RORA: variants seen among roughly 807,000 people sequenced by gnomAD.
The protein encoded by RORA is RAR related orphan receptor A.
In RORA, 7 loss-of-function variants were observed where a neutral mutation model predicts 69.5. The observed-to-expected ratio is 0.10, with a 90% CI of 0.06 to 0.19. RORA has a LOEUF of 0.19. RORA is among the 10% of genes least tolerant of loss of function. The pLI, the probability that RORA is intolerant of heterozygous loss-of-function variation, is 1.00. For synonymous variants in RORA, 261 were observed against 240.8 expected (o/e 1.08, Z -0.78); for missense variants, 457 against 663.0 (o/e 0.69, Z 3.41).
intron 1 of RORA, among the ~76,000 whole-genome samples, chr15:61,028,527 T>C (rs1205978435): frequency 2.0e-5 from 3 of 152,200 alleles, no homozygotes; most frequent in Non-Finnish European, 4.4e-5. Context: ...CTGCCCCCTC[T>C]AGTTTACAGT....
At chr15:60,825,670 G>A (rs919539266) in intron 1 of RORA, among the ~76,000 whole-genome samples, 1 of 152,132 alleles carries the variant, frequency 6.6e-6, no homozygotes, top group Non-Finnish European at 1.5e-5. Context: ...GCATGGCCCC[G>A]AAGAACAGCG....
At chr15:60,585,005 G>A (rs1307378349) in intron 2 of RORA, among the ~76,000 whole-genome samples, 1 of 151,708 alleles carries the variant, frequency 6.6e-6, no homozygotes, top group Non-Finnish European at 1.5e-5. Flanking sequence ...TTTCTAATAG[G>A]AACACGTAAG....
chr15:60,779,669 A>T (rs919249443), intron 1 of RORA, among the ~76,000 whole-genome samples: 4 of 152,262 alleles, frequency 2.6e-5, no homozygotes, highest in African/African-American at 9.6e-5. Flanking sequence ...ACAAAAGTCA[A>T]GCTGGTGGTC....
chr15:60,539,540 A>C (rs2066792668), intron 2 of RORA, among the ~76,000 whole-genome samples: 1 of 152,176 alleles, frequency 6.6e-6, no homozygotes, highest in Non-Finnish European at 1.5e-5. Context: ...AAACTGTTTA[A>C]GGCAGTTGAC....
In RORA at chr15:61,229,064, C is replaced by T; in HGVS notation, c.155G>A (p.Ser52Asn). ...CTCCAGCCTCCTACCTCTGCTGGTGCTGGAATAGCTCTGTCTGCGCACCGG... is the reference window on the plus strand; with the variant it reads ...CTCCAGCCTCCTACCTCTGCTGGTGTTGGAATAGCTCTGTCTGCGCACCGG... ...PAPVRRQSYSSTSRGISVTKK... is the reference protein window; with the variant it reads ...PAPVRRQSYSNTSRGISVTKK... Residue 52 changes from serine (S) to asparagine (N), a missense_variant, in exon 1 of 11, where the codon AGC becomes AAC. Transcript: ENST00000335670. 1 of 1,527,712 alleles carries T rather than the reference C, an allele frequency of 6.5e-7. No individual in the cohort carries two copies. The highest frequency in any genetic ancestry group is 8.8e-7 in the Non-Finnish European group (1 of 1,137,590). The allele number at this position is 1,527,712 out of a possible 1,614,324, so 94.6% of individuals were successfully genotyped here.
chr15:60,592,375 G>A (rs1298123389), intron 2 of RORA: 15 of 1,416,142 alleles, frequency 1.1e-5, no homozygotes, highest in South Asian at 1.5e-5. Flanking sequence ...CCGGCGGGGC[G>A]CCCGGGCTCA....
chr15:60,892,226 C>G (rs2073820028), intron 1 of RORA, among the ~76,000 whole-genome samples: 1 of 152,176 alleles, frequency 6.6e-6, no homozygotes, highest in Admixed American at 6.5e-5. Flanking sequence ...CCCAGTGTTA[C>G]AAGGCTGGGT....
intron 1 of RORA, among the ~76,000 whole-genome samples, chr15:61,042,822 T>A (rs1432558958): frequency 6.6e-6 from 1 of 152,214 alleles, no homozygotes; most frequent in Non-Finnish European, 1.5e-5. Flanking sequence ...CTTGCAGTTT[T>A]TAAGTTTCTT....
intron 2 of RORA, among the ~76,000 whole-genome samples, chr15:60,607,015 T>G (rs1021366327): frequency 6.6e-6 from 1 of 152,210 alleles, no homozygotes; most frequent in African/African-American, 2.4e-5. Context: ...TCTGACAACC[T>G]TGATGTCTGA....
chr15:60,792,794 G>A (rs2072435977), intron 1 of RORA, among the ~76,000 whole-genome samples: 1 of 152,138 alleles, frequency 6.6e-6, no homozygotes, highest in African/African-American at 2.4e-5. Flanking sequence ...AGTCTTAAGG[G>A]AAATGACACC....
At chr15:61,159,734 G>C (rs1329233344) in intron 1 of RORA, among the ~76,000 whole-genome samples, 1 of 152,174 alleles carries the variant, frequency 6.6e-6, no homozygotes, top group Non-Finnish European at 1.5e-5. Flanking sequence ...ATGGCAACGA[G>C]GTGTGCATTA....
In RORA at chr15:60,608,315, G is replaced by A. The variant is rs340010; in HGVS notation, c.196+70342C>T. Among the ~76,000 whole-genome samples the A allele has an allele frequency of 2.3e-3, 351 of 152,248 alleles. 1 individual carries two copies. The highest frequency in any genetic ancestry group is 8.1e-3 in the African/African-American group (336 of 41,544). On this transcript the variant is annotated intron_variant, in intron 2 of 10. Transcript: ENST00000335670. ...AAGTCACCGTGGCCACCTCCAAATT[G>A]CTTTTACATTTTATTGTTATTATCA...
chr15:60,962,970 G>C (rs1038572272), intron 1 of RORA, among the ~76,000 whole-genome samples: 2 of 152,220 alleles, frequency 1.3e-5, no homozygotes, highest in African/African-American at 4.8e-5. Context: ...TTAAAAGGTA[G>C]GAAGAGAGTA....
At chr15:60,597,595 C>CATATATATATATATATAT (rs1303389761) in intron 2 of RORA, among the ~76,000 whole-genome samples, 1 of 30,404 alleles carries the variant, frequency 3.3e-5, no homozygotes, top group African/African-American at 1.3e-4. Context: ...TATATATATA[C>CATATATATATATATATAT]ACATATATAT....
Position 61,061,209 on chromosome 15 carries a change from C to T in RORA, c.166+167844G>A, listed in dbSNP as rs566577818. Among the ~76,000 whole-genome samples the T allele has an allele frequency of 4.2e-3, 636 of 152,072 alleles. 4 individuals carry two copies. The highest frequency in any genetic ancestry group is 0.014 in the Middle Eastern group (4 of 294). The stretch of plus-strand genomic sequence containing the variant: ...TCTACTAAAACCACAAAACATTAGC[C>T]GGGCATGGTGGCGGGCGCCTGTGGT... On this transcript the variant is annotated intron_variant, in intron 1 of 10. Transcript: ENST00000335670. This position sits in a 1 kb window ranked among gnomAD's most constrained non-coding sequence, Gnocchi z 4.4.
At chr15:60,972,140 G>C (rs1893736132) in intron 1 of RORA, among the ~76,000 whole-genome samples, 1 of 152,220 alleles carries the variant, frequency 6.6e-6, no homozygotes, top group South Asian at 2.1e-4. Flanking sequence ...CATTGGAGTA[G>C]TGGGAAAAAA....
intron 1 of RORA, among the ~76,000 whole-genome samples, chr15:60,807,268 A>G (rs1257578170): frequency 1.3e-5 from 2 of 152,218 alleles, no homozygotes; most frequent in Non-Finnish European, 2.9e-5. Context: ...TACACCAACA[A>G]TGACCAAGCT....
intron 1 of RORA, among the ~76,000 whole-genome samples, chr15:61,010,237 T>C (rs1286935901): frequency 6.6e-6 from 1 of 152,152 alleles, no homozygotes; most frequent in Non-Finnish European, 1.5e-5. Flanking sequence ...TTTGAGAGAA[T>C]TTGGGACAGG....
intron 1 of RORA, among the ~76,000 whole-genome samples, chr15:60,873,821 G>A (rs528287874): frequency 6.6e-6 from 1 of 152,154 alleles, no homozygotes; most frequent in African/African-American, 2.4e-5. Context: ...AATACATTCT[G>A]GAGCAAAAAG....
Sources: allele counts gnomAD v4.1 joint callset (sites outside exome capture counted in the v4.1 genomes callset), GRCh38; gene constraint gnomAD v4.1.1; non-coding constraint Gnocchi (gnomAD v3.1); transcripts MANE v1.5; gene names NCBI Gene and HGNC (gene_info 2026-07-23, HGNC 2026-07-21).